Variants in TACC2 observed in about 807,000 individuals in gnomAD.
TACC2 encodes the protein transforming acidic coiled-coil-containing protein 2.
TACC2 carries 137 observed loss-of-function variants against 227.3 expected under a neutral mutation model. That is an observed-to-expected ratio of 0.60 (90% confidence interval 0.52 to 0.69). The LOEUF is 0.69. Ranked by LOEUF, TACC2 falls within the 30% of genes least tolerant of loss-of-function variation. The pLI is 0.00. For synonymous variants in TACC2, 1,523 were observed against 1,487.5 expected, an observed-to-expected ratio of 1.02 and a Z score of -0.55; for missense variants, 3,470 against 3,694.4, an observed-to-expected ratio of 0.94 and a Z score of 1.57.
At chr10:122,244,733 G>A (rs1289085746) in intron 19 of TACC2, among the ~76,000 whole-genome samples, 4 of 152,078 alleles carry the variant, frequency 2.6e-5, no homozygotes, top group Admixed American at 2.0e-4. Context: ...CAGGACCACC[G>A]TGACTGTAGT....
At chr10:122,031,985 G>A (rs1018091849) in intron 2 of TACC2, among the ~76,000 whole-genome samples, 6 of 152,162 alleles carry the variant, frequency 3.9e-5, no homozygotes, top group African/African-American at 1.4e-4. Context: ...TGGGATTACA[G>A]GCATGAGCCA....
intron 5 of TACC2, among the ~76,000 whole-genome samples, chr10:122,132,281 C>T (rs1236781720): frequency 6.6e-6 from 1 of 152,146 alleles, no homozygotes. Context: ...CACGGCGGCT[C>T]ACGCCTGTAA....
chr10:122,249,442 T>A, intron 21 of TACC2, 102 bp from the exon 22 acceptor site: 1 of 1,494,490 alleles, frequency 6.7e-7, no homozygotes, highest in South Asian at 1.3e-5. Context: ...TGGTGGCAGC[T>A]GGGGCCAGAC....
At chr10:122,138,478 C>T (rs1305433271) in intron 6 of TACC2, among the ~76,000 whole-genome samples, 1 of 152,138 alleles carries the variant, frequency 6.6e-6, no homozygotes, top group Non-Finnish European at 1.5e-5. Flanking sequence ...CCATTGTACT[C>T]TAGCCTGGAC....
chr10:122,069,802 G>C (rs1291614069), intron 3 of TACC2, among the ~76,000 whole-genome samples: 1 of 152,200 alleles, frequency 6.6e-6, no homozygotes, highest in African/African-American at 2.4e-5. Flanking sequence ...TAAGAGACAA[G>C]ATGCCGCGGG....
At chr10:122,176,107 CTCTCTCTCTCTATA>C (rs1349910994) in intron 7 of TACC2, among the ~76,000 whole-genome samples, 352 of 70,414 alleles carry the variant, frequency 5.0e-3, no homozygotes, top group African/African-American at 0.022. Context: ...CTCTCTCTCT[CTCTCTCTCTCTATA>C]TATATATATA....
chr10:122,085,016 C>G lies in TACC2; in HGVS notation c.2516C>G (p.Thr839Arg). ...HLQPSQAQPE[T>R]SIFDVLKEQA... ...CAGCCATCCCAGGCACAACCAGAGA[C>G]ATCCATCTTTGACGTGCTCAAGGAG... Residue 839 changes from threonine (T) to arginine (R), a missense_variant, in exon 4 of 23, where the codon ACA (threonine) becomes AGA (arginine). Coordinates refer to ENST00000369005, the MANE Select transcript of TACC2 (RefSeq NM_206862.4). 1 of 1,614,216 alleles carries G rather than the reference C, an allele frequency of 6.2e-7. No homozygotes were observed. Among genetic ancestry groups the G allele is most frequent in the Non-Finnish European group, 8.5e-7 (1 of 1,180,038 alleles).
At chr10:122,075,997 A>G (rs985749515) in intron 3 of TACC2, among the ~76,000 whole-genome samples, 1 of 151,864 alleles carries the variant, frequency 6.6e-6, no homozygotes, top group Non-Finnish European at 1.5e-5. Flanking sequence ...ACAGGGTTTC[A>G]CCATGTTGGC....
At chr10:122,156,615 C>A (rs1330620636) in intron 7 of TACC2, among the ~76,000 whole-genome samples, 2 of 152,204 alleles carry the variant, frequency 1.3e-5, no homozygotes, top group African/African-American at 4.8e-5. Flanking sequence ...CTGTCCTCAT[C>A]CTGGCTGAGT....
At chr10:122,142,897 C>T (rs1369367081) in intron 6 of TACC2, among the ~76,000 whole-genome samples, 3 of 152,210 alleles carry the variant, frequency 2.0e-5, no homozygotes, top group Non-Finnish European at 4.4e-5. Flanking sequence ...AAATCAGAAC[C>T]TCTTCTGCAC....
chr10:122,028,011 A>G (rs796688032), intron 2 of TACC2, among the ~76,000 whole-genome samples: 68 of 148,998 alleles, frequency 4.6e-4, no homozygotes, highest in African/African-American at 1.4e-3. Context: ...CCAAAGTGCT[A>G]GGATTACAGG....
chr10:122,167,557 C>T (rs1024815809), intron 7 of TACC2, among the ~76,000 whole-genome samples: 4 of 152,124 alleles, frequency 2.6e-5, no homozygotes, highest in Admixed American at 2.0e-4. Flanking sequence ...CGGGTACCAC[C>T]GCAGTAGGTA....
At chr10:122,004,361 G>T (rs1954798629) in intron 1 of TACC2, among the ~76,000 whole-genome samples, 1 of 149,762 alleles carries the variant, frequency 6.7e-6, no homozygotes, top group Non-Finnish European at 1.5e-5. Flanking sequence ...TCGTGCTACT[G>T]CACTCTAGCC....
chr10:122,254,120 C>A lies in TACC2; in HGVS notation c.*64C>A. ...ATATGACCGTCGGCACACTGCTGTT[C>A]CTCCAGTTCCATGGACAGGTTCTGT... On this transcript the variant is annotated 3_prime_UTR_variant, in exon 23 of 23. Transcript: ENST00000369005. 2 of 1,320,906 alleles carry A rather than the reference C, an allele frequency of 1.5e-6. No homozygotes were observed. The highest frequency in any genetic ancestry group is 2.2e-6 in the Non-Finnish European group (2 of 912,520). 81.8% of individuals were successfully genotyped at this position (1,320,906 alleles called of 1,614,324 possible). A position where few individuals can be genotyped will look rare whatever the true frequency, so the allele number is the denominator to read the frequency against.
intron 6 of TACC2, among the ~76,000 whole-genome samples, chr10:122,142,352 G>A (rs558852453): frequency 1.3e-5 from 2 of 152,378 alleles, no homozygotes; most frequent in Middle Eastern, 3.4e-3. Flanking sequence ...TGTGGCAGAT[G>A]TGGCCCCTGT....
chr10:122,118,568 T>C (rs886136318), intron 5 of TACC2, among the ~76,000 whole-genome samples: 2 of 152,226 alleles, frequency 1.3e-5, no homozygotes, highest in African/African-American at 4.8e-5. Context: ...CTATAGGCTC[T>C]AAGGCTTTGC....
intron 8 of TACC2, among the ~76,000 whole-genome samples, chr10:122,199,075 C>T (rs2094685877): frequency 6.6e-6 from 1 of 152,222 alleles, no homozygotes; most frequent in African/African-American, 2.4e-5. Context: ...AGGAGATTGC[C>T]AAGCCCAGGG....
intron 2 of TACC2, among the ~76,000 whole-genome samples, chr10:122,038,147 C>A (rs1295523066): frequency 6.6e-6 from 1 of 152,072 alleles, no homozygotes; most frequent in South Asian, 2.1e-4. Flanking sequence ...GTGGTCCCAG[C>A]TATTTGGGAG....
At chr10:122,125,500 CA>C (rs1565371237) in intron 5 of TACC2, among the ~76,000 whole-genome samples, 3 of 152,004 alleles carry the variant, frequency 2.0e-5, no homozygotes, top group Non-Finnish European at 4.4e-5. Context: ...ATGCCCGTCC[CA>C]TGACCTTTAT....
Sources: gnomAD v4.1 joint callset for allele counts (sites outside exome capture counted in the v4.1 genomes callset) on GRCh38, gnomAD v4.1.1 for gene constraint, MANE v1.5 for transcripts, NCBI Gene and HGNC (gene_info 2026-07-23, HGNC 2026-07-21) for gene names.